Variants in VPS54 observed in about 807,000 individuals in gnomAD.
VPS54 encodes VPS54 subunit of GARP complex, also known as vacuolar protein sorting-associated protein 54.
A neutral mutation model predicts 121.5 loss-of-function variants in VPS54; 45 were observed. The observed-to-expected ratio is 0.37, with a 90% CI of 0.29 to 0.47. The LOEUF is 0.47. Among genes scored for constraint, VPS54 ranks in the 20% least tolerant of loss-of-function variants. VPS54 has a pLI of 0.99. For missense variants in VPS54, 1,090 were observed against 1,131.4 expected, an observed-to-expected ratio of 0.96 and a Z score of 0.52; for synonymous variants, 371 against 385.8, an observed-to-expected ratio of 0.96 and a Z score of 0.45.
At chr2:63,926,565 G>T (rs1040569244) in intron 12 of VPS54, among the ~76,000 whole-genome samples, 2 of 152,230 alleles carry the variant, frequency 1.3e-5, no homozygotes, top group Non-Finnish European at 2.9e-5. Context: ...CTCCCAGCGA[G>T]ATCGACGCAG....
At chr2:63,960,025 A>T (rs56978264) in intron 7 of VPS54, among the ~76,000 whole-genome samples, 10,543 of 151,886 alleles carry the variant, frequency 0.069, 766 homozygotes, top group African/African-American at 0.19. Flanking sequence ...ATCTCAAAAA[A>T]ATAAAAAATA....
chr2:64,000,395 C>G (rs1265930854), intron 1 of VPS54, among the ~76,000 whole-genome samples: 1 of 152,166 alleles, frequency 6.6e-6, no homozygotes, highest in African/African-American at 2.4e-5. Flanking sequence ...GTCCCTGGTG[C>G]CTTATTTAGT....
At chr2:63,984,066 C>A (rs1676929367) in intron 1 of VPS54, 47 bp from the exon 2 acceptor site, 1 of 1,468,548 alleles carries the variant, frequency 6.8e-7, no homozygotes, top group Non-Finnish European at 9.1e-7. Context: ...AAATCAAAAT[C>A]CAAGTATTAT....
At chr2:64,005,697 C>T (rs940208304) in intron 1 of VPS54, among the ~76,000 whole-genome samples, 1 of 152,096 alleles carries the variant, frequency 6.6e-6, no homozygotes, top group African/African-American at 2.4e-5. Context: ...TTGTACCCAC[C>T]CAGCTGTGAC....
chr2:63,959,910 A>G (rs1166354411), intron 7 of VPS54, among the ~76,000 whole-genome samples: 1 of 152,052 alleles, frequency 6.6e-6, no homozygotes, highest in Non-Finnish European at 1.5e-5. Flanking sequence ...AATCCCAGCT[A>G]CTCGGGAGCT....
chr2:64,007,477 G>A (rs754944190), intron 1 of VPS54, among the ~76,000 whole-genome samples: 2 of 152,292 alleles, frequency 1.3e-5, no homozygotes, highest in East Asian at 3.9e-4. Flanking sequence ...TTTCTACAAG[G>A]TGTCTTTTTG....
chr2:63,918,851 T>C (rs1673503795), intron 15 of VPS54, among the ~76,000 whole-genome samples: 3 of 152,004 alleles, frequency 2.0e-5, no homozygotes, highest in African/African-American at 4.8e-5. Flanking sequence ...TGTCTACCCT[T>C]CCTCACTTTT....
chr2:64,000,536 C>T (rs1028540100), intron 1 of VPS54, among the ~76,000 whole-genome samples: 3 of 152,228 alleles, frequency 2.0e-5, no homozygotes, highest in African/African-American at 7.2e-5. Context: ...CCTGGGAAGG[C>T]TTTCCAGATA....
chr2:63,907,475 G>A (rs1474413158), intron 20 of VPS54, among the ~76,000 whole-genome samples: 2 of 147,574 alleles, frequency 1.4e-5, no homozygotes, highest in East Asian at 3.9e-4. Context: ...CTGAGATCGC[G>A]CCATTGCACT....
chr2:63,894,612 A>G (rs540849063), intron 22 of VPS54, among the ~76,000 whole-genome samples: 56 of 151,812 alleles, frequency 3.7e-4, no homozygotes, highest in African/African-American at 1.3e-3. Flanking sequence ...CTGCAGTGGG[A>G]GGATTGCTTG....
chr2:63,920,337 C>G, intron 14 of VPS54, 109 bp downstream of exon 14: 2 of 1,074,758 alleles, frequency 1.9e-6, no homozygotes, highest in South Asian at 3.3e-5. Context: ...TTAAAAAAAC[C>G]TTTATCAGGC....
chr2:63,902,970 AATAACATAACAAC>A (rs1258468813), intron 20 of VPS54, among the ~76,000 whole-genome samples: 2 of 141,098 alleles, frequency 1.4e-5, no homozygotes, highest in Non-Finnish European at 3.1e-5. Flanking sequence ...TGTCTCAAAA[AATAACATAACAAC>A]ATAACATAAC....
At chr2:64,000,149 C>T (rs1677802674) in intron 1 of VPS54, among the ~76,000 whole-genome samples, 1 of 152,260 alleles carries the variant, frequency 6.6e-6, no homozygotes, top group South Asian at 2.1e-4. Context: ...CATAAGCCAC[C>T]ACACCCGGCC....
chr2:63,936,380 G>C (rs1674453537), intron 11 of VPS54, among the ~76,000 whole-genome samples: 1 of 152,066 alleles, frequency 6.6e-6, no homozygotes, highest in Non-Finnish European at 1.5e-5. Flanking sequence ...GTAGATACAT[G>C]GTTTACTTTC....
At chr2:63,933,221 C>A (rs1446281619) in intron 12 of VPS54, among the ~76,000 whole-genome samples, 21 of 152,024 alleles carry the variant, frequency 1.4e-4, no homozygotes, top group Non-Finnish European at 3.1e-4. Context: ...AAGATGTGAT[C>A]CATTTGGAAA....
At chr2:63,949,862 CAGTGCCCATAGAAG>C (rs770153168) in intron 7 of VPS54, among the ~76,000 whole-genome samples, 2 of 152,182 alleles carry the variant, frequency 1.3e-5, no homozygotes, top group Non-Finnish European at 2.9e-5. Flanking sequence ...GCTTTAGTTT[CAGTGCCCATAGAAG>C]AGTCCATGTC....
chr2:63,914,103 C>T, intron 17 of VPS54, 79 bp downstream of exon 17: 1 of 1,223,052 alleles, frequency 8.2e-7, no homozygotes, highest in South Asian at 1.3e-5. Context: ...CTTGAAATGT[C>T]TTTGAGTTAA....
At chr2:63,912,706 A>G (rs1230684352) in intron 18 of VPS54, 45 bp from the exon 19 acceptor site, 1 of 1,539,760 alleles carries the variant, frequency 6.5e-7, no homozygotes, top group Non-Finnish European at 8.7e-7. Flanking sequence ...ATAAAAAAAA[A>G]AAAGGTATTA....
chr2:63,920,016 A>G, intron 14 of VPS54, 21 bp from the exon 15 acceptor site: 1 of 1,585,750 alleles, frequency 6.3e-7, no homozygotes, highest in Non-Finnish European at 8.6e-7. Flanking sequence ...GTAAGGAGAA[A>G]AGAAGGTAAA....
Sources: gnomAD v4.1 joint callset for allele counts (sites outside exome capture counted in the v4.1 genomes callset) on GRCh38, gnomAD v4.1.1 for gene constraint, MANE v1.5 for transcripts, NCBI Gene and HGNC (gene_info 2026-07-23, HGNC 2026-07-21) for gene names.